The following ZNF704 variants were observed in gnomAD, a reference collection of about 807,000 sequenced individuals.
ZNF704 encodes zinc finger protein 704.
ZNF704 carries 10 observed loss-of-function variants against 44.7 expected under a neutral mutation model. That is an observed-to-expected ratio of 0.22 (90% CI 0.14 to 0.38). ZNF704 has a LOEUF of 0.38. Ranked by LOEUF, ZNF704 falls within the 10% of genes least tolerant of loss-of-function variation. The pLI, the probability that ZNF704 is intolerant of heterozygous loss-of-function variation, is 1.00. For synonymous variants in ZNF704, 211 were observed against 207.6 expected (o/e 1.02, Z -0.14); for missense variants, 390 against 545.5 (o/e 0.71, Z 2.84).
intron 2 of ZNF704, among the ~76,000 whole-genome samples, chr8:80,794,346 A>G (rs2129762668): frequency 6.6e-6 from 1 of 152,286 alleles, no homozygotes; most frequent in East Asian, 1.9e-4. Flanking sequence ...GTAATCATTC[A>G]CAGTTTGATT....
intron 7 of ZNF704, among the ~76,000 whole-genome samples, chr8:80,649,532 C>T (rs182879937): frequency 1.3e-4 from 20 of 152,306 alleles, no homozygotes; most frequent in East Asian, 5.8e-4. Context: ...GCACCTGGCT[C>T]GGAGGGTCCT....
chr8:80,833,486 T>C (rs1808505100), intron 1 of ZNF704, among the ~76,000 whole-genome samples: 1 of 152,244 alleles, frequency 6.6e-6, no homozygotes, highest in South Asian at 2.1e-4. Context: ...TCTTCAAATT[T>C]CATGCTAGGT....
At chr8:80,821,667 C>T (rs769041757) in intron 1 of ZNF704, 52 bp from the exon 2 acceptor site, 42 of 1,381,996 alleles carry the variant, frequency 3.0e-5, no homozygotes, top group Middle Eastern at 1.8e-4. Flanking sequence ...CACCTTTGTA[C>T]GACTACTGCA....
chr8:80,666,978 C>T (rs1818205232), intron 5 of ZNF704, among the ~76,000 whole-genome samples: 1 of 152,090 alleles, frequency 6.6e-6, no homozygotes. Context: ...AATTAGATCC[C>T]ATTTGTCAAT....
At chr8:80,653,529 C>T (rs865901861) in intron 7 of ZNF704, among the ~76,000 whole-genome samples, 1 of 150,928 alleles carries the variant, frequency 6.6e-6, no homozygotes, top group East Asian at 1.9e-4. Flanking sequence ...CAATTATAAG[C>T]ATTCTTAAAA....
intron 4 of ZNF704, among the ~76,000 whole-genome samples, chr8:80,678,295 G>A (rs977662173): frequency 4.6e-5 from 7 of 152,120 alleles, no homozygotes; most frequent in African/African-American, 1.7e-4. Context: ...TGGAGGAGGG[G>A]GCAATCGCAA....
At chr8:80,759,798 C>A (rs1807097743) in intron 2 of ZNF704, among the ~76,000 whole-genome samples, 1 of 151,494 alleles carries the variant, frequency 6.6e-6, no homozygotes, top group East Asian at 2.0e-4. Context: ...CTCTGTTTCC[C>A]AGACTGGAGT....
chr8:80,660,978 C>G (rs1027720252), intron 6 of ZNF704, among the ~76,000 whole-genome samples: 6 of 152,126 alleles, frequency 3.9e-5, no homozygotes, highest in African/African-American at 1.4e-4. Context: ...TTCTGCACGG[C>G]ACAAGAAACA....
intron 3 of ZNF704, among the ~76,000 whole-genome samples, chr8:80,688,247 T>C (rs1446856705): frequency 6.6e-6 from 1 of 152,258 alleles, no homozygotes; most frequent in South Asian, 2.1e-4. Context: ...TATAGGACTG[T>C]TATTCTTAGA....
intron 2 of ZNF704, among the ~76,000 whole-genome samples, chr8:80,693,426 C>T (rs1818673101): frequency 6.6e-6 from 1 of 152,158 alleles, no homozygotes; most frequent in African/African-American, 2.4e-5. Flanking sequence ...TTCTTGCTTT[C>T]ATGGAGCCTA....
intron 2 of ZNF704, among the ~76,000 whole-genome samples, chr8:80,774,328 C>A (rs1047124614): frequency 4.6e-5 from 7 of 152,078 alleles, no homozygotes; most frequent in African/African-American, 1.7e-4. Flanking sequence ...TCTTGCCCTC[C>A]CAAAGTGCTG....
chr8:80,714,885 C>T (rs1316662214), intron 2 of ZNF704, among the ~76,000 whole-genome samples: 1 of 152,138 alleles, frequency 6.6e-6, no homozygotes, highest in East Asian at 1.9e-4. Context: ...CACCACTAGT[C>T]TTTCTTTTCT....
At chr8:80,850,573 CTA>C (rs1292929767) in intron 1 of ZNF704, among the ~76,000 whole-genome samples, 1 of 152,094 alleles carries the variant, frequency 6.6e-6, no homozygotes, top group African/African-American at 2.4e-5. Context: ...TGTGCACTCA[CTA>C]TATGCTTTTT....
At chr8:80,768,181 G>T (rs1422185421) in intron 2 of ZNF704, among the ~76,000 whole-genome samples, 1 of 152,104 alleles carries the variant, frequency 6.6e-6, no homozygotes, top group South Asian at 2.1e-4. Flanking sequence ...ACAAGCAGGA[G>T]TAAGTGTGAT....
chr8:80,863,063 C>A (rs944811297), intron 1 of ZNF704, among the ~76,000 whole-genome samples: 3 of 151,648 alleles, frequency 2.0e-5, no homozygotes, highest in African/African-American at 7.3e-5. Flanking sequence ...ATAATTTTTA[C>A]TGTAACTAAT....
In ZNF704 at chr8:80,772,287, G is replaced by A. The variant is rs369073178; in HGVS notation, c.221+49087C>T. 1.8e-3 allele frequency among the ~76,000 whole-genome samples: 276 copies of A among 152,128 alleles called. 4 individuals carry two copies. The South Asian group carries it at 0.026, about 14-fold the overall frequency. ...TGGAAGAGAAGTGTAGAATTGCTTT[G>A]TTGATTTATTAATCTTTTCAAAGAA... On this transcript the variant is annotated intron_variant, in intron 2 of 8. Coordinates refer to ENST00000327835, the MANE Select transcript of ZNF704 (RefSeq NM_001033723.3).
intron 2 of ZNF704, among the ~76,000 whole-genome samples, chr8:80,745,335 T>G (rs1322334277): frequency 1.3e-5 from 2 of 152,162 alleles, no homozygotes; most frequent in Non-Finnish European, 2.9e-5. Flanking sequence ...GCTTTATAGA[T>G]AGTCAAGATA....
intron 2 of ZNF704, among the ~76,000 whole-genome samples, chr8:80,756,318 A>G (rs1422495601): frequency 6.6e-6 from 1 of 152,202 alleles, no homozygotes; most frequent in African/African-American, 2.4e-5. Context: ...TGATATTGTT[A>G]TTTACTACTC....
At chr8:80,735,235 G>A (rs141503754) in intron 2 of ZNF704, among the ~76,000 whole-genome samples, 1 of 152,204 alleles carries the variant, frequency 6.6e-6, no homozygotes, top group Non-Finnish European at 1.5e-5. Flanking sequence ...TGGCTTAGGT[G>A]CTCTCTTTCC....
Sources: gnomAD v4.1 joint callset for allele counts (sites outside exome capture counted in the v4.1 genomes callset) on GRCh38, gnomAD v4.1.1 for gene constraint, MANE v1.5 for transcripts, NCBI Gene and HGNC (gene_info 2026-07-23, HGNC 2026-07-21) for gene names.